Variants in BEST3 observed in about 807,000 individuals in gnomAD.
BEST3 encodes the protein bestrophin-3.
BEST3 carries 50 observed loss-of-function variants against 47.1 expected under a neutral mutation model. That is an observed-to-expected ratio of 1.06 (90% CI 0.85 to 1.34). The LOEUF is 1.34. BEST3 is among the 40% of genes most tolerant of loss of function. The pLI is 0.00. For missense variants in BEST3, 765 were observed against 817.0 expected (o/e 0.94, Z 0.78); for synonymous variants, 282 against 298.8 (o/e 0.94, Z 0.58).
At chr12:69,680,051 G>A (rs927678714) in intron 4 of BEST3, among the ~76,000 whole-genome samples, 1 of 152,136 alleles carries the variant, frequency 6.6e-6, no homozygotes, top group Non-Finnish European at 1.5e-5. Flanking sequence ...CTGAGATGAT[G>A]AACATGTGTC....
chr12:69,689,063 T>C (rs772729349), intron 4 of BEST3: 256 of 985,128 alleles, frequency 2.6e-4, no homozygotes, highest in Admixed American at 3.1e-4. Context: ...CTCAGTGCTT[T>C]ACTTACCAGT....
chr12:69,668,202 G>A (rs540287185), intron 9 of BEST3, among the ~76,000 whole-genome samples: 1 of 152,110 alleles, frequency 6.6e-6, no homozygotes, highest in South Asian at 2.1e-4. Context: ...TAGAATATCC[G>A]GGTTATGGGA....
intron 4 of BEST3, among the ~76,000 whole-genome samples, chr12:69,681,071 C>T (rs1307670330): frequency 6.6e-6 from 1 of 151,910 alleles, no homozygotes; most frequent in East Asian, 1.9e-4. Context: ...TATTTACCCC[C>T]TTGGCTCTTT....
chr12:69,679,180 T>C (rs531960110), intron 4 of BEST3, among the ~76,000 whole-genome samples: 163 of 152,304 alleles, frequency 1.1e-3, no homozygotes, highest in Non-Finnish European at 2.1e-3. Context: ...AACTAGAACA[T>C]TTGGGGAAAT....
chr12:69,693,591 A>C, intron 4 of BEST3, 83 bp downstream of exon 4: 1 of 1,181,718 alleles, frequency 8.5e-7, no homozygotes. Context: ...GTGAATAAAC[A>C]AACATAAAGA....
chr12:69,679,846 G>T (rs991987896), intron 4 of BEST3, among the ~76,000 whole-genome samples: 1 of 152,184 alleles, frequency 6.6e-6, no homozygotes, highest in Non-Finnish European at 1.5e-5. Flanking sequence ...AGGCTATAGA[G>T]CGAGACTGTC....
Position 69,655,665 on chromosome 12 carries a change from T to A in BEST3, c.1249A>T (p.Thr417Ser), listed in dbSNP as rs1883435083. 2 of 1,613,914 alleles carry A rather than the reference T, an allele frequency of 1.2e-6. No homozygotes were observed. The highest frequency in any genetic ancestry group is 8.5e-7 in the Non-Finnish European group (1 of 1,180,004). Residue 417 changes from threonine to serine, a missense_variant, in exon 10 of 10, where the codon ACA (threonine) becomes TCA (serine). Physicochemically the swap from Thr to Ser is moderately conservative, Grantham distance 58. Coordinates refer to ENST00000330891, the MANE Select transcript of BEST3 (RefSeq NM_032735.3). Reference sequence around the variant, plus strand: ...GGTAAGAACATGGAGCTGTCACTTGTCTGCCTCCTGTAGCTTCTTCTTCTG... The same window carrying A: ...GGTAAGAACATGGAGCTGTCACTTGACTGCCTCCTGTAGCTTCTTCTTCTG... ...SPRRRSYRRQ[T>S]SDSSMFLPRD... is the part of the protein sequence containing the mutation.
chr12:69,679,000 A>T (rs1885084742), intron 4 of BEST3, 107 bp from the exon 5 acceptor site: 1 of 935,162 alleles, frequency 1.1e-6, no homozygotes. Flanking sequence ...GATATTAAAG[A>T]AATATGGAAT....
intron 9 of BEST3, among the ~76,000 whole-genome samples, chr12:69,644,406 G>A (rs74102933): frequency 0.012 from 1,828 of 152,188 alleles, 35 homozygotes; most frequent in African/African-American, 0.041. Flanking sequence ...TGTTTTACTT[G>A]GTCTTTTAGA....
At chr12:69,680,310 C>CTTCTTTT (rs763385722) in intron 4 of BEST3, among the ~76,000 whole-genome samples, 14,825 of 94,878 alleles carry the variant, frequency 0.16, 3,018 homozygotes, top group Non-Finnish European at 0.22. Flanking sequence ...TACACTTGAT[C>CTTCTTTT]TTTTTTTTTT....
At chr12:69,647,684 A>G (rs986642139) in intron 9 of BEST3, among the ~76,000 whole-genome samples, 2 of 152,212 alleles carry the variant, frequency 1.3e-5, no homozygotes, top group African/African-American at 4.8e-5. Flanking sequence ...GGCGAATATC[A>G]TGGGAGAGGG....
chr12:69,658,136 A>G (rs1441201027), intron 9 of BEST3, among the ~76,000 whole-genome samples: 1 of 152,220 alleles, frequency 6.6e-6, no homozygotes, highest in Non-Finnish European at 1.5e-5. Context: ...CAATCTCTCT[A>G]TATAGGACAG....
At chr12:69,655,947 G>T in intron 9 of BEST3, 134 bp from the exon 10 acceptor site, 1 of 1,363,230 alleles carries the variant, frequency 7.3e-7, no homozygotes, top group Non-Finnish European at 9.7e-7. Flanking sequence ...GAGGACTTGA[G>T]ATAGTCTAGC....
At chr12:69,676,791 C>T (rs574723786) in intron 7 of BEST3, 125 bp downstream of exon 7, 5 of 1,037,982 alleles carry the variant, frequency 4.8e-6, no homozygotes, top group African/African-American at 3.2e-5. Context: ...CATTGCTGAG[C>T]CATTACATGT....
At chr12:69,680,529 A>G (rs528376021) in intron 4 of BEST3, among the ~76,000 whole-genome samples, 21 of 151,930 alleles carry the variant, frequency 1.4e-4, no homozygotes, top group South Asian at 2.1e-4. Flanking sequence ...AGGATGTCTC[A>G]ATCTCCTGAC....
intron 9 of BEST3, among the ~76,000 whole-genome samples, chr12:69,665,444 T>G (rs960989002): frequency 3.3e-5 from 5 of 152,154 alleles, no homozygotes; most frequent in Admixed American, 3.3e-4. Context: ...AATACAAAAA[T>G]TAGCTGGGTG....
At chr12:69,644,362 TA>T (rs556579520) in intron 9 of BEST3, among the ~76,000 whole-genome samples, 132 of 152,342 alleles carry the variant, frequency 8.7e-4, no homozygotes, top group African/African-American at 3.1e-3. Flanking sequence ...GTTATAACTT[TA>T]AAAAAATTTC....
downstream of BEST3, among the ~76,000 whole-genome samples, chr12:69,652,045 C>G: frequency 6.6e-6 from 1 of 152,146 alleles, no homozygotes. Flanking sequence ...AGATAACAGC[C>G]TTCTTTGTTT....
In BEST3 at chr12:69,699,264, C is replaced by G. The variant is rs953710491; in HGVS notation, c.-75G>C. The G allele has an allele frequency of 4.1e-6, 4 of 985,430 alleles. No individual in the cohort carries two copies. The South Asian group carries it at 1.9e-4, about 46-fold the overall frequency. 61.0% of individuals were successfully genotyped at this position (985,430 alleles called of 1,614,324 possible). On this transcript the variant is annotated 5_prime_UTR_variant, in exon 1 of 10. Transcript: ENST00000330891. ...AGAATCTTCAAATTTCGGGCTCCCC[C>G]GAAGAGGTGCCTTCAGGTCGGTGCT... is the stretch of plus-strand genomic sequence containing the variant.
Sources: gnomAD v4.1 joint callset for allele counts (sites outside exome capture counted in the v4.1 genomes callset) on GRCh38, gnomAD v4.1.1 for gene constraint, MANE v1.5 for transcripts, NCBI Gene and HGNC (gene_info 2026-07-23, HGNC 2026-07-21) for gene names.